DYNC2H1: variants seen among roughly 807,000 people sequenced by gnomAD.
The protein encoded by DYNC2H1 is cytoplasmic dynein 2 heavy chain 1.
A neutral mutation model predicts 570.0 loss-of-function variants in DYNC2H1; 410 were observed. That is an observed-to-expected ratio of 0.72 (90% CI 0.66 to 0.78). The LOEUF (loss-of-function observed/expected upper bound fraction) is 0.78. Ranked by LOEUF, DYNC2H1 falls within the 30% of genes least tolerant of loss-of-function variation. The probability of loss-of-function intolerance (pLI) is 0.00; values close to 1 mark genes in which losing one functional copy is unlikely to be tolerated. For missense variants in DYNC2H1, 4,865 were observed against 5,046.4 expected (o/e 0.96, Z 1.09); for synonymous variants, 1,688 against 1,677.6 (o/e 1.01, Z -0.15).
chr11:103,407,655 T>A (rs1392686455), intron 84 of DYNC2H1: 1 of 151,956 alleles, frequency 6.6e-6, no homozygotes, highest in Non-Finnish European at 1.5e-5. Flanking sequence ...TGGTGTGTAG[T>A]GCTCCTAGAA....
rs1487998821 is a variant in DYNC2H1, at chr11:103,234,127, G to A, written c.9534G>A (p.Gln3178=). Residue 3178 remains glutamine, a synonymous_variant, in exon 61 of 89, where the codon CAG becomes CAA. Transcript: ENST00000375735. ...AAGCTGCAGAAGTCTTAATTAATCA[G>A]CTTGACAGAGAACATAAGAGATGGA... ...TIKAAEVLIN[Q]LDREHKRWNA... 6 of 1,581,234 alleles carry A rather than the reference G, an allele frequency of 3.8e-6. No homozygotes were observed. In the South Asian group the frequency reaches 7.0e-5, roughly 18 times the overall value.
chr11:103,328,648 A>G (rs551606367), intron 82 of DYNC2H1, among the ~76,000 whole-genome samples: 4 of 152,372 alleles, frequency 2.6e-5, no homozygotes, highest in African/African-American at 9.6e-5. Context: ...AAAAATGAGT[A>G]CATACATTCA....
At chr11:103,138,821 C>T (rs1182246958) in intron 17 of DYNC2H1, among the ~76,000 whole-genome samples, 11 of 152,030 alleles carry the variant, frequency 7.2e-5, no homozygotes, top group Admixed American at 1.3e-4. Flanking sequence ...TGGTAGAATT[C>T]GGCTGTGACT....
rs187448192 is a variant in DYNC2H1, at chr11:103,242,960, C to A, written c.9820-733C>A. 2.2e-4 allele frequency among the ~76,000 whole-genome samples: 34 copies of A among 152,254 alleles called. No homozygotes were observed. The East Asian group carries it at 6.6e-3, about 29-fold the overall frequency. ...GGTCTTGATCTCTTGACTTCATGAT[C>A]TATCCACCTCAGCCTCCCAAAGCCA... On this transcript the variant is annotated intron_variant, in intron 63 of 88. Coordinates refer to ENST00000375735, the MANE Select transcript of DYNC2H1 (RefSeq NM_001377.3).
At chr11:103,230,886 A>G (rs1863981304) in intron 59 of DYNC2H1, among the ~76,000 whole-genome samples, 1 of 152,016 alleles carries the variant, frequency 6.6e-6, no homozygotes, top group Non-Finnish European at 1.5e-5. Flanking sequence ...AAAGAAAGTT[A>G]TTTTTGAAAT....
intron 70 of DYNC2H1, among the ~76,000 whole-genome samples, chr11:103,263,116 A>G (rs1000365501): frequency 2.0e-5 from 3 of 151,830 alleles, no homozygotes; most frequent in African/African-American, 7.3e-5. Context: ...AGACAAGGGC[A>G]TTGCATATGG....
At chr11:103,379,517 C>T (rs1941549362) in intron 83 of DYNC2H1, among the ~76,000 whole-genome samples, 1 of 152,130 alleles carries the variant, frequency 6.6e-6, no homozygotes, top group Non-Finnish European at 1.5e-5. Flanking sequence ...AAGCCATTAC[C>T]ATGACTGAGG....
intron 83 of DYNC2H1, among the ~76,000 whole-genome samples, chr11:103,399,317 T>TC (rs1472314108): frequency 5.6e-5 from 6 of 106,734 alleles, no homozygotes; most frequent in African/African-American, 2.5e-4. Flanking sequence ...TAATTTTTTT[T>TC]TTTTTTTTTT....
intron 52 of DYNC2H1, among the ~76,000 whole-genome samples, chr11:103,207,794 G>T (rs917721141): frequency 2.6e-5 from 4 of 152,116 alleles, no homozygotes; most frequent in Admixed American, 2.6e-4. Context: ...TGAGTAGGTG[G>T]TGACTTAGAT....
At chr11:103,288,479 C>A (rs1361818586) in intron 75 of DYNC2H1, among the ~76,000 whole-genome samples, 4 of 151,090 alleles carry the variant, frequency 2.6e-5, no homozygotes, top group Admixed American at 2.6e-4. Context: ...TAGCCCTTTC[C>A]CAAAAAGACC....
intron 17 of DYNC2H1, among the ~76,000 whole-genome samples, chr11:103,141,616 G>T (rs1015279027): frequency 6.6e-6 from 1 of 152,278 alleles, no homozygotes; most frequent in African/African-American, 2.4e-5. Flanking sequence ...TGCCCCTACT[G>T]GGGGGTGCCT....
intron 17 of DYNC2H1, among the ~76,000 whole-genome samples, chr11:103,140,712 T>G (rs1859865969): frequency 6.6e-6 from 1 of 152,182 alleles, no homozygotes; most frequent in Admixed American, 6.5e-5. Flanking sequence ...GGAGTATCTT[T>G]GTGACATTCT....
rs1251022621 is a variant in DYNC2H1 at position 103,245,928 on chromosome 11, G to A, written c.10042+554G>A. Among the ~76,000 whole-genome samples the A allele has an allele frequency of 6.6e-6, 1 of 152,100 alleles. No individual in the cohort carries two copies. Among genetic ancestry groups the A allele is most frequent in the Non-Finnish European group, 1.5e-5 (1 of 67,994 alleles). ...TGTATACACATACATATGTAGACGTGTACATATACGTACGTGAATGTATGC... is the reference window on the plus strand; with the variant it reads ...TGTATACACATACATATGTAGACGTATACATATACGTACGTGAATGTATGC... On this transcript the variant is annotated intron_variant, in intron 65 of 88. Transcript: ENST00000375735. This position sits in a 1 kb window ranked among gnomAD's most constrained non-coding sequence, Gnocchi z 4.5.
chr11:103,416,005 T>C (rs1565580020), intron 84 of DYNC2H1, among the ~76,000 whole-genome samples: 1 of 152,190 alleles, frequency 6.6e-6, no homozygotes, highest in African/African-American at 2.4e-5. Flanking sequence ...TGCAGGGACA[T>C]GGAATGAAGC....
chr11:103,374,721 C>G (rs1486309689), intron 83 of DYNC2H1, among the ~76,000 whole-genome samples: 1 of 152,156 alleles, frequency 6.6e-6, no homozygotes, highest in Non-Finnish European at 1.5e-5. Flanking sequence ...CCCTAGAGAA[C>G]TGTGGAACTT....
At chr11:103,339,258 T>G (rs1939316859) in intron 82 of DYNC2H1, among the ~76,000 whole-genome samples, 1 of 152,048 alleles carries the variant, frequency 6.6e-6, no homozygotes, top group Non-Finnish European at 1.5e-5. Context: ...TTGACTGCAT[T>G]AGAACACCAT....
intron 85 of DYNC2H1, among the ~76,000 whole-genome samples, chr11:103,445,638 G>C (rs1157283398): frequency 1.3e-5 from 2 of 152,020 alleles, no homozygotes; most frequent in East Asian, 3.9e-4. Flanking sequence ...GATATCAAAC[G>C]TGATTTCAAA....
At chr11:103,162,881 G>A in intron 29 of DYNC2H1, 147 bp from the exon 30 acceptor site, 2 of 513,910 alleles carry the variant, frequency 3.9e-6, no homozygotes, top group Non-Finnish European at 3.1e-6. Context: ...CATTTTAGGA[G>A]TGTAATGATC....
intron 70 of DYNC2H1, among the ~76,000 whole-genome samples, chr11:103,279,632 C>A (rs1193903369): frequency 6.6e-6 from 1 of 150,970 alleles, no homozygotes; most frequent in African/African-American, 2.4e-5. Context: ...GTAGATACGA[C>A]CTTCTCCTTT....
Sources: allele counts gnomAD v4.1 joint callset (sites outside exome capture counted in the v4.1 genomes callset), GRCh38; gene constraint gnomAD v4.1.1; non-coding constraint Gnocchi (gnomAD v3.1); transcripts MANE v1.5; gene names NCBI Gene and HGNC (gene_info 2026-07-23, HGNC 2026-07-21).